The following SAMSN1 variants were observed in gnomAD, a reference collection of about 807,000 sequenced individuals.
The protein encoded by SAMSN1 is SAM domain, SH3 domain and nuclear localization signals 1.
In SAMSN1, 31 loss-of-function variants were observed where a neutral mutation model predicts 42.0. The observed-to-expected ratio is 0.74, with a 90% confidence interval of 0.55 to 1.00. The LOEUF is 1.00. Among genes scored for constraint, SAMSN1 ranks in the 50% least tolerant of loss-of-function variants. The probability of loss-of-function intolerance (pLI) is 0.00; values close to 1 mark genes in which losing one functional copy is unlikely to be tolerated. For synonymous variants in SAMSN1, 178 were observed against 151.9 expected, an observed-to-expected ratio of 1.17 and a Z score of -1.26; for missense variants, 464 against 439.4, an observed-to-expected ratio of 1.06 and a Z score of -0.50.
At chr21:14,643,194 A>G (rs1600981261) in intron 1 of SAMSN1, 1 of 702,714 alleles carries the variant, frequency 1.4e-6, no homozygotes, top group East Asian at 2.7e-5. Context: ...TTTAAAAGGT[A>G]CCTAATTTAT....
chr21:14,549,710 T>C (rs537659325), upstream of SAMSN1, among the ~76,000 whole-genome samples: 2 of 152,220 alleles, frequency 1.3e-5, no homozygotes, highest in South Asian at 4.1e-4. Flanking sequence ...AAAAGAACTG[T>C]ATTCCATTCA....
chr21:14,582,206 T>C (rs1326830899), exon 2 of SAMSN1: 2 of 1,550,766 alleles, frequency 1.3e-6, no homozygotes, highest in Non-Finnish European at 1.7e-6. Context: ...AGAGGAGCAG[T>C]GGTCCCAGGG....
chr21:14,512,255 A>G (rs1030827585), intron 4 of SAMSN1, among the ~76,000 whole-genome samples, 189 bp downstream of exon 4: 1 of 152,188 alleles, frequency 6.6e-6, no homozygotes, highest in African/African-American at 2.4e-5. Flanking sequence ...CACACACTAT[A>G]TGACTGTGTC....
intron 7 of SAMSN1, among the ~76,000 whole-genome samples, chr21:14,488,010 T>G (rs1204182131): frequency 6.6e-6 from 1 of 152,130 alleles, no homozygotes; most frequent in African/African-American, 2.4e-5. Context: ...TTTTTTTTAA[T>G]GAAAAGGCAG....
chr21:14,582,280 G>C, exon 2 of SAMSN1: 1 of 1,550,836 alleles, frequency 6.4e-7, no homozygotes, highest in East Asian at 2.4e-5. Context: ...AAGGCTTCCA[G>C]TGATGCCACA....
intron 4 of SAMSN1, chr21:14,609,707 G>A: frequency 1.6e-6 from 1 of 611,016 alleles, no homozygotes; most frequent in Non-Finnish European, 2.9e-6. Flanking sequence ...CTAGTTCTAG[G>A]TGATGCAGGA....
At chr21:14,619,622 AG>A in intron 2 of SAMSN1, 1 of 302,056 alleles carries the variant, frequency 3.3e-6, no homozygotes, top group Non-Finnish European at 7.0e-6. Context: ...ACACTGTTGT[AG>A]GGGAGAAAAG....
At chr21:14,512,608 G>C (rs1987736955) in intron 3 of SAMSN1, 35 bp from the exon 4 acceptor site, 2 of 1,608,254 alleles carry the variant, frequency 1.2e-6, no homozygotes, top group Non-Finnish European at 1.7e-6. Flanking sequence ...GGTACAGAGA[G>C]AAGATTTCCA....
rs554833585 is a variant in SAMSN1, at chr21:14,522,044, T to C, written c.58-823A>G. Reference sequence around the variant, plus strand: ...GCATTTAGGTATGCACAGTCCAAGGTTGGGAGTAAAATGGAATTTTTCCAC... The same window carrying C: ...GCATTTAGGTATGCACAGTCCAAGGCTGGGAGTAAAATGGAATTTTTCCAC... On this transcript the variant is annotated intron_variant, in intron 1 of 7. Transcript: ENST00000400566. Among the ~76,000 whole-genome samples, 37 of 152,286 alleles carry C rather than the reference T, an allele frequency of 2.4e-4. No homozygotes were observed. In the South Asian group the frequency reaches 7.2e-3, roughly 30 times the overall value.
Position 14,486,091 on chromosome 21 carries a change from G to A in SAMSN1, c.943C>T (p.Pro315Ser), listed in dbSNP as rs1244966132. The A allele has an allele frequency of 4.3e-6, 7 of 1,613,152 alleles. No individual in the cohort carries two copies. The highest frequency in any genetic ancestry group is 4.0e-5 in the African/African-American group (3 of 74,870). The change falls in exon 8 of 8, where the codon CCT becomes TCT. Residue 315 changes from proline (P) to serine (S), a missense_variant. Coordinates refer to ENST00000400566, the MANE Select transcript of SAMSN1 (RefSeq NM_022136.5). ...TCTGAGCTCAAGGATAGGGGCTCAG[G>A]TTCATTTTCTTGCTCTTGAATAACT... ...EEIIQEQENE[P>S]EPLSLSSDIS...
At chr21:14,648,936 C>T (rs1403576835) in intron 1 of SAMSN1, among the ~76,000 whole-genome samples, 7 of 151,104 alleles carry the variant, frequency 4.6e-5, no homozygotes, top group Admixed American at 2.0e-4. Flanking sequence ...ACCCAAAGGA[C>T]TATAAATCAT....
At chr21:14,632,708 G>A (rs1983362092) in intron 2 of SAMSN1, among the ~76,000 whole-genome samples, 1 of 152,102 alleles carries the variant, frequency 6.6e-6, no homozygotes, top group African/African-American at 2.4e-5. Context: ...TCTGTTCCAT[G>A]GTCACTCACA....
intron 2 of SAMSN1, among the ~76,000 whole-genome samples, chr21:14,642,626 T>A (rs2123381335): frequency 6.6e-6 from 1 of 152,322 alleles, no homozygotes; most frequent in South Asian, 2.1e-4. Flanking sequence ...TGCCAGAAAC[T>A]ACTGATTCAG....
chr21:14,616,590 C>T (rs1982843128), intron 2 of SAMSN1, among the ~76,000 whole-genome samples: 1 of 152,116 alleles, frequency 6.6e-6, no homozygotes, highest in Admixed American at 6.5e-5. Context: ...GAATTTGTCA[C>T]ATTTTTCACC....
intron 6 of SAMSN1, among the ~76,000 whole-genome samples, chr21:14,595,000 C>T (rs1198884332): frequency 6.6e-6 from 1 of 152,122 alleles, no homozygotes; most frequent in Non-Finnish European, 1.5e-5. Context: ...AGCAGGTTTT[C>T]TTACATTTCA....
intron 3 of SAMSN1, among the ~76,000 whole-genome samples, chr21:14,514,120 A>G (rs534936502): frequency 6.6e-6 from 1 of 152,266 alleles, no homozygotes; most frequent in Non-Finnish European, 1.5e-5. Flanking sequence ...GGTTCCTGTA[A>G]TGGAAAACTT....
rs371991928 is a variant in SAMSN1, at chr21:14,633,483, A to T, written c.156+9519T>A. On this transcript the variant is annotated intron_variant, in intron 2 of 15. Coordinates refer to the SAMSN1 transcript ENST00000647101. ...AAACTGGGTTCTGGATTGGGTAATGACTTAATCAAGTTCTATTTAGGAACC... is the reference window on the plus strand; with the variant it reads ...AAACTGGGTTCTGGATTGGGTAATGTCTTAATCAAGTTCTATTTAGGAACC... 4.6e-5 allele frequency among the ~76,000 whole-genome samples: 7 copies of T among 152,302 alleles called. No homozygotes were observed. In the East Asian group the frequency reaches 1.2e-3, roughly 25 times the overall value.
At chr21:14,556,348 T>C (rs944110381) in intron 2 of SAMSN1, among the ~76,000 whole-genome samples, 2 of 152,184 alleles carry the variant, frequency 1.3e-5, no homozygotes, top group Admixed American at 6.5e-5. Flanking sequence ...AATACTCCAA[T>C]TGCATGTCAG....
intron 2 of SAMSN1, among the ~76,000 whole-genome samples, chr21:14,560,331 G>C (rs1980905126): frequency 6.6e-6 from 1 of 152,106 alleles, no homozygotes; most frequent in Non-Finnish European, 1.5e-5. Context: ...GCAAGATTAT[G>C]GCAGCAAGAA....
Sources: gnomAD v4.1 joint callset for allele counts (sites outside exome capture counted in the v4.1 genomes callset) on GRCh38, gnomAD v4.1.1 for gene constraint, MANE v1.5 for transcripts, NCBI Gene and HGNC (gene_info 2026-07-23, HGNC 2026-07-21) for gene names.